EIF2AK4: variants seen among roughly 807,000 people sequenced by gnomAD.
EIF2AK4 encodes the protein eukaryotic translation initiation factor 2 alpha kinase 4, also known as eIF-2-alpha kinase GCN2.
Under a neutral mutation model 211.1 loss-of-function variants are expected in EIF2AK4, and 139 were observed. That is an observed-to-expected ratio of 0.66 (90% CI 0.57 to 0.76). EIF2AK4 has a LOEUF of 0.76. Ranked by LOEUF, EIF2AK4 falls within the 30% of genes least tolerant of loss-of-function variation. The pLI is 0.00. For missense variants in EIF2AK4, 1,664 were observed against 2,043.8 expected (o/e 0.81, Z 3.58); for synonymous variants, 710 against 751.3 (o/e 0.94, Z 0.90).
chr15:40,002,543 A>T, intron 21 of EIF2AK4, 170 bp from the exon 22 acceptor site: 1 of 602,290 alleles, frequency 1.7e-6, no homozygotes, highest in Non-Finnish European at 2.9e-6. Flanking sequence ...AGGCCATGAA[A>T]GATATGTGTC....
chr15:40,000,699 C>G (rs759316291), intron 20 of EIF2AK4, among the ~76,000 whole-genome samples: 2 of 152,060 alleles, frequency 1.3e-5, no homozygotes, highest in Non-Finnish European at 2.9e-5. Flanking sequence ...TTTATAAGGC[C>G]TAATTTCTGC....
chr15:40,006,685 ATAAC>A (rs1205038501), intron 23 of EIF2AK4, among the ~76,000 whole-genome samples: 1 of 152,228 alleles, frequency 6.6e-6, no homozygotes, highest in Non-Finnish European at 1.5e-5. Context: ...TCATAAATAA[ATAAC>A]TTGCACTAAT....
chr15:39,996,688 G>C (rs1333964817), intron 18 of EIF2AK4, among the ~76,000 whole-genome samples: 4 of 152,154 alleles, frequency 2.6e-5, no homozygotes. Flanking sequence ...TTCAGCCTGG[G>C]TGACAGAGTG....
chr15:39,985,703 G>T, intron 13 of EIF2AK4, 102 bp from the exon 14 acceptor site: 2 of 963,772 alleles, frequency 2.1e-6, no homozygotes, highest in Non-Finnish European at 3.2e-6. Flanking sequence ...AAGGCAACTG[G>T]GTGGCCCTGT....
rs987933039 is a variant in EIF2AK4, at chr15:40,001,209, C to T, written c.3144C>T (p.Asp1048=). The part of the protein sequence containing the change: ...RISPAIDYTY[D]SDILKGNFSI... ...CCCCTGCCATCGATTACACCTATGACAGCGACATACTGAAGGTGGGCTTAA... is the reference window on the plus strand; with the variant it reads ...CCCCTGCCATCGATTACACCTATGATAGCGACATACTGAAGGTGGGCTTAA... The change falls in exon 21 of 39, where the codon GAC becomes GAT. Residue 1048 remains aspartate, a synonymous_variant. Transcript: ENST00000263791. 3.4e-5 allele frequency: 55 copies of T among 1,613,264 alleles called. 1 individual carries two copies. In the Admixed American group the frequency reaches 8.3e-4, roughly 24 times the overall value.
intron 14 of EIF2AK4, among the ~76,000 whole-genome samples, chr15:39,987,667 AAT>A (rs2034884413): frequency 6.6e-6 from 1 of 152,248 alleles, no homozygotes; most frequent in Admixed American, 6.5e-5. Flanking sequence ...CTTGTAAAAC[AAT>A]AAATAAAATT....
intron 19 of EIF2AK4, among the ~76,000 whole-genome samples, chr15:39,998,257 G>GT (rs752625722): frequency 0.04 from 4,337 of 108,070 alleles, 83 homozygotes; most frequent in Non-Finnish European, 0.052. Flanking sequence ...TATGGGTGTG[G>GT]TTTTTTTTTT....
intron 9 of EIF2AK4, among the ~76,000 whole-genome samples, chr15:39,971,583 G>A (rs1435509527): frequency 6.6e-6 from 1 of 152,042 alleles, no homozygotes; most frequent in Non-Finnish European, 1.5e-5. Context: ...CCAGCATGGT[G>A]GTACACGCCT....
rs1426050041 is a variant in EIF2AK4, at chr15:40,022,561, A to G, written c.4345A>G (p.Thr1449Ala). Residue 1449 changes from threonine (T) to alanine (A), a missense_variant, in exon 32 of 39, where the codon ACC becomes GCC. Coordinates refer to ENST00000263791, the MANE Select transcript of EIF2AK4 (RefSeq NM_001013703.4). The stretch of plus-strand genomic sequence containing the variant: ...AGAGTACTGCAGACATCATGAAATC[A>G]CCTATGTGGCCCTTGTCTCGGATAA... ...LQEYCRHHEI[T>A]YVALVSDKEG... 6.2e-7 allele frequency: 1 copy of G among 1,614,122 alleles called. No homozygotes were observed. Among genetic ancestry groups the G allele is most frequent in the Admixed American group, 1.7e-5 (1 of 60,020 alleles).
intron 22 of EIF2AK4, 152 bp downstream of exon 22, chr15:40,002,940 C>G: frequency 9.2e-7 from 1 of 1,082,856 alleles, no homozygotes; most frequent in Non-Finnish European, 1.3e-6. Flanking sequence ...ATTTTTGAAA[C>G]TGATTTGAAT....
chr15:39,961,897 T>C lies in EIF2AK4; in HGVS notation c.857T>C (p.Ile286Thr), dbSNP rs2034478018. 6.2e-7 allele frequency: 1 copy of C among 1,609,296 alleles called. No homozygotes were observed. Among genetic ancestry groups the C allele is most frequent in the Non-Finnish European group, 8.5e-7 (1 of 1,177,590 alleles). Reference protein sequence around the residue: ...DQLMVHKGKCIGSDEQLGKLV... With the variant: ...DQLMVHKGKCTGSDEQLGKLV... Reference sequence around the variant, plus strand: ...CTCATGGTGCACAAAGGGAAATGTATTGGTGAGTAAACTAGCAAAATCTAT... The same window carrying C: ...CTCATGGTGCACAAAGGGAAATGTACTGGTGAGTAAACTAGCAAAATCTAT... Residue 286 changes from isoleucine to threonine, a missense_variant and splice_region_variant, in exon 7 of 39, where the codon ATT becomes ACT. Transcript: ENST00000263791.
At chr15:39,949,971 A>G (rs906783942) in intron 4 of EIF2AK4, among the ~76,000 whole-genome samples, 4 of 151,994 alleles carry the variant, frequency 2.6e-5, no homozygotes, top group African/African-American at 9.7e-5. Context: ...AATCAAAGAT[A>G]ATATATGCAA....
intron 6 of EIF2AK4, among the ~76,000 whole-genome samples, chr15:39,960,569 T>A (rs2034457071): frequency 6.6e-6 from 1 of 151,958 alleles, no homozygotes; most frequent in South Asian, 2.1e-4. Flanking sequence ...GGATAAATAG[T>A]GCAGAAGTGG....
intron 2 of EIF2AK4, among the ~76,000 whole-genome samples, chr15:39,941,626 T>C (rs1193670261): frequency 6.6e-6 from 1 of 152,256 alleles, no homozygotes; most frequent in Non-Finnish European, 1.5e-5. Context: ...AAAGCAAAGA[T>C]ATTGGAAGCA....
chr15:39,966,365 A>G (rs576283629), intron 8 of EIF2AK4, among the ~76,000 whole-genome samples: 2 of 151,556 alleles, frequency 1.3e-5, no homozygotes, highest in East Asian at 3.9e-4. Context: ...GCTGCTTGGG[A>G]GGCTGAGGTG....
At position 39,943,431 on chromosome 15, in the gene EIF2AK4, T is replaced by G. The variant is rs745596630; in HGVS notation, c.306T>G (p.Ser102Arg). 2 of 1,576,454 alleles carry G rather than the reference T, an allele frequency of 1.3e-6. No homozygotes were observed. The highest frequency in any genetic ancestry group is 3.8e-5 in the Admixed American group (2 of 52,758). Residue 102 changes from serine to arginine, a missense_variant, in exon 3 of 39, where the codon AGT becomes AGG. Ser to Arg is a moderately radical substitution (Grantham distance 110). Transcript: ENST00000263791. The stretch of plus-strand genomic sequence containing the variant: ...ATGCCAAAGGTCTATCAAATGAAAG[T>G]GTCAATTTGTTAAAATCTCGCCTAG... Reference protein sequence around the residue: ...LKNAKGLSNESVNLLKSRLEE... With the variant: ...LKNAKGLSNERVNLLKSRLEE...
intron 11 of EIF2AK4, chr15:39,974,877 A>G (rs2034673149): frequency 6.6e-6 from 1 of 152,208 alleles, no homozygotes; most frequent in Admixed American, 6.5e-5. Context: ...GTGATCTGGC[A>G]TTCATTAGCA....
At chr15:40,022,741 CTTTT>C in intron 32 of EIF2AK4, 136 bp downstream of exon 32, 2 of 529,500 alleles carry the variant, frequency 3.8e-6, no homozygotes, top group Non-Finnish European at 6.2e-6. Context: ...TGTTGGGTTT[CTTTT>C]TTTTTTTTGA....
chr15:39,967,949 G>A, intron 9 of EIF2AK4, 70 bp downstream of exon 9: 1 of 1,488,610 alleles, frequency 6.7e-7, no homozygotes, highest in Non-Finnish European at 9.1e-7. Context: ...GAGTGTGCCA[G>A]ACATCTAAGT....
Sources: allele counts gnomAD v4.1 joint callset (sites outside exome capture counted in the v4.1 genomes callset), GRCh38; gene constraint gnomAD v4.1.1; transcripts MANE v1.5; gene names NCBI Gene and HGNC (gene_info 2026-07-23, HGNC 2026-07-21).